The following OSBPL8 variants were observed in gnomAD, a reference collection of about 807,000 sequenced individuals.
The protein encoded by OSBPL8 is oxysterol-binding protein-related protein 8.
A neutral mutation model predicts 125.5 loss-of-function variants in OSBPL8; 59 were observed. That is an observed-to-expected ratio of 0.47 (90% CI 0.38 to 0.58). The LOEUF (loss-of-function observed/expected upper bound fraction) is 0.58, where lower values mean the gene tolerates loss of function less well. Among genes scored for constraint, OSBPL8 ranks in the 20% least tolerant of loss-of-function variants. The pLI is 0.00. For synonymous variants in OSBPL8, 330 were observed against 338.9 expected (o/e 0.97, Z 0.29); for missense variants, 758 against 1,047.8 (o/e 0.72, Z 3.82).
chr12:76,465,825 G>A (rs1875350536), intron 2 of OSBPL8, among the ~76,000 whole-genome samples: 1 of 151,918 alleles, frequency 6.6e-6, no homozygotes, highest in South Asian at 2.1e-4. Context: ...GGCCAACATG[G>A]TGAAACCCCG....
intron 4 of OSBPL8, among the ~76,000 whole-genome samples, chr12:76,441,219 G>A (rs1340961416): frequency 3.3e-5 from 5 of 152,008 alleles, no homozygotes; most frequent in Non-Finnish European, 5.9e-5. Context: ...GAGGAGACTC[G>A]GAAAATACTG....
intron 1 of OSBPL8, among the ~76,000 whole-genome samples, chr12:76,489,573 A>G (rs1878498979): frequency 6.6e-6 from 1 of 152,356 alleles, no homozygotes; most frequent in African/African-American, 2.4e-5. Flanking sequence ...TGTTTACAGC[A>G]TGGTTTACTA....
chr12:76,424,956 C>G (rs1450643691), intron 4 of OSBPL8, among the ~76,000 whole-genome samples: 4 of 152,092 alleles, frequency 2.6e-5, no homozygotes, highest in Non-Finnish European at 4.4e-5. Flanking sequence ...TCTTGCAGAT[C>G]CAAGAAAGCC....
At chr12:76,410,446 G>A in intron 5 of OSBPL8, 118 bp downstream of exon 5, 1 of 714,254 alleles carries the variant, frequency 1.4e-6, no homozygotes. Context: ...ACACTACATG[G>A]TTCAGATGTA....
intron 14 of OSBPL8, among the ~76,000 whole-genome samples, chr12:76,385,467 T>G (rs1200751568): frequency 6.6e-6 from 1 of 152,092 alleles, no homozygotes. Context: ...AAGAGGGAAT[T>G]AAAGAAGCTA....
At chr12:76,502,072 AC>A in intron 1 of OSBPL8, among the ~76,000 whole-genome samples, 1 of 152,186 alleles carries the variant, frequency 6.6e-6, no homozygotes, top group Non-Finnish European at 1.5e-5. Flanking sequence ...AACTGGTTTG[AC>A]AGAACAGTGG....
chr12:76,511,289 T>C (rs1437167733), intron 1 of OSBPL8, among the ~76,000 whole-genome samples: 2 of 152,208 alleles, frequency 1.3e-5, no homozygotes, highest in African/African-American at 2.4e-5. Flanking sequence ...CAAATAGTAG[T>C]TCTGCTTTTA....
chr12:76,422,573 C>T (rs1405421980), intron 4 of OSBPL8: 1 of 456,516 alleles, frequency 2.2e-6, no homozygotes, highest in African/African-American at 2.0e-5. Context: ...AAGCTTTCGG[C>T]CATCAATCCG....
At chr12:76,476,695 A>G (rs1389557576) in intron 2 of OSBPL8, among the ~76,000 whole-genome samples, 1 of 152,190 alleles carries the variant, frequency 6.6e-6, no homozygotes, top group Non-Finnish European at 1.5e-5. Context: ...GGAAGGCATA[A>G]AAGATTTAAA....
intron 11 of OSBPL8, 126 bp from the exon 12 acceptor site, chr12:76,389,955 AC>A: frequency 1.5e-6 from 1 of 666,090 alleles, no homozygotes; most frequent in African/African-American, 1.9e-5. Flanking sequence ...AAATGTGGAA[AC>A]AAAAAATAAT....
intron 4 of OSBPL8, among the ~76,000 whole-genome samples, chr12:76,424,796 C>T (rs1869949825): frequency 2.6e-5 from 4 of 151,792 alleles, no homozygotes; most frequent in Admixed American, 2.6e-4. Flanking sequence ...AAATGCGTTC[C>T]CTCCTAAAAC....
intron 1 of OSBPL8, among the ~76,000 whole-genome samples, chr12:76,546,782 G>A (rs1421812778): frequency 6.6e-6 from 1 of 152,088 alleles, no homozygotes; most frequent in Non-Finnish European, 1.5e-5. Flanking sequence ...AAAATCAAGA[G>A]CTAGTTTCAC....
chr12:76,492,678 T>A (rs950973929), intron 1 of OSBPL8, among the ~76,000 whole-genome samples: 3 of 152,188 alleles, frequency 2.0e-5, no homozygotes, highest in African/African-American at 7.2e-5. Flanking sequence ...CTTATGAGAA[T>A]CTAATGCCTG....
chr12:76,402,611 T>C (rs1225412535), intron 6 of OSBPL8, 78 bp downstream of exon 6: 1 of 996,552 alleles, frequency 1.0e-6, no homozygotes, highest in East Asian at 2.5e-5. Context: ...CACATATATA[T>C]TTATCCTATT....
chr12:76,428,353 T>C (rs1383677421), intron 4 of OSBPL8, among the ~76,000 whole-genome samples: 1 of 151,990 alleles, frequency 6.6e-6, no homozygotes, highest in Non-Finnish European at 1.5e-5. Flanking sequence ...AAATTAGAAT[T>C]TTAATGAGTT....
At chr12:76,398,432 G>A (rs1365424884) in intron 7 of OSBPL8, among the ~76,000 whole-genome samples, 1 of 144,880 alleles carries the variant, frequency 6.9e-6, no homozygotes, top group Non-Finnish European at 1.5e-5. Context: ...ATTACATAAA[G>A]TATGCCATTT....
At chr12:76,449,985 T>G (rs907609852) in intron 4 of OSBPL8, among the ~76,000 whole-genome samples, 1 of 152,134 alleles carries the variant, frequency 6.6e-6, no homozygotes, top group African/African-American at 2.4e-5. Context: ...TATATATGCA[T>G]GAGACCAGAT....
At chr12:76,417,753 T>A (rs964038281) in intron 4 of OSBPL8, among the ~76,000 whole-genome samples, 1 of 152,204 alleles carries the variant, frequency 6.6e-6, no homozygotes, top group South Asian at 2.1e-4. Context: ...AAAGTTTGCA[T>A]TTATGTTTTT....
At chr12:76,390,287 T>C in intron 11 of OSBPL8, 133 bp downstream of exon 11, 1 of 647,006 alleles carries the variant, frequency 1.5e-6, no homozygotes, top group South Asian at 2.1e-5. Flanking sequence ...ATTTCATATG[T>C]ATGCAATTTT....
Sources: gnomAD v4.1 joint callset for allele counts (sites outside exome capture counted in the v4.1 genomes callset) on GRCh38, gnomAD v4.1.1 for gene constraint, MANE v1.5 for transcripts, NCBI Gene and HGNC (gene_info 2026-07-23, HGNC 2026-07-21) for gene names.